Variants in ALK observed in about 807,000 individuals in gnomAD.
ALK encodes ALK tyrosine kinase receptor.
Under a neutral mutation model 163.1 loss-of-function variants are expected in ALK, and 74 were observed. The observed-to-expected ratio is 0.45, with a 90% CI of 0.38 to 0.55. ALK has a LOEUF of 0.55. Among genes scored for constraint, ALK ranks in the 20% least tolerant of loss-of-function variants. The pLI is 0.00. For missense variants in ALK, 2,063 were observed against 2,105.3 expected, an observed-to-expected ratio of 0.98 and a Z score of 0.39; for synonymous variants, 960 against 843.2, an observed-to-expected ratio of 1.14 and a Z score of -2.40.
chr2:29,646,086 C>T (rs1676865208), intron 3 of ALK, among the ~76,000 whole-genome samples: 1 of 151,920 alleles, frequency 6.6e-6, no homozygotes, highest in Non-Finnish European at 1.5e-5. Context: ...CTTAAGATCT[C>T]CACTTGGCCA....
At chr2:29,590,727 C>G (rs1675025062) in intron 3 of ALK, among the ~76,000 whole-genome samples, 1 of 152,096 alleles carries the variant, frequency 6.6e-6, no homozygotes, top group Non-Finnish European at 1.5e-5. Flanking sequence ...GTATTCCCAC[C>G]TGCTCATGCT....
intron 5 of ALK, among the ~76,000 whole-genome samples, chr2:29,369,310 G>T (rs1257727457): frequency 7.1e-6 from 1 of 141,690 alleles, no homozygotes; most frequent in African/African-American, 2.8e-5. Context: ...GTGCATATTT[G>T]TGTGTGTGTG....
At chr2:29,507,764 C>A (rs10203891) in intron 4 of ALK, among the ~76,000 whole-genome samples, 9,831 of 152,028 alleles carry the variant, frequency 0.065, 989 homozygotes, top group African/African-American at 0.22. Flanking sequence ...GCAGGAAAGG[C>A]AGGACAAGCT....
At chr2:29,585,625 C>A (rs147924232) in intron 3 of ALK, among the ~76,000 whole-genome samples, 414 of 152,150 alleles carry the variant, frequency 2.7e-3, no homozygotes, top group African/African-American at 9.5e-3. Context: ...ACTGTGCCCA[C>A]CCTGTCAATT....
At chr2:29,873,265 G>A (rs1051718806) in intron 1 of ALK, among the ~76,000 whole-genome samples, 1 of 152,192 alleles carries the variant, frequency 6.6e-6, no homozygotes, top group Non-Finnish European at 1.5e-5. Context: ...GATTTCAGAT[G>A]CCTCTTCTCC....
In ALK at chr2:29,763,244, T is replaced by A. The variant is rs546279083; in HGVS notation, c.668-45547A>T. ...ACAATGAGAATAATAGTATCTATCA[T>A]GTAGGGTTGCTTTGAGGAGTACATG... is the stretch of plus-strand genomic sequence containing the variant. On this transcript the variant is annotated intron_variant, in intron 1 of 28. Coordinates refer to ENST00000389048, the MANE Select transcript of ALK (RefSeq NM_004304.5). 3.7e-4 allele frequency among the ~76,000 whole-genome samples: 57 copies of A among 152,242 alleles called. 1 individual carries two copies. The South Asian group carries it at 0.012, about 32-fold the overall frequency.
At chr2:29,478,471 G>A (rs1205354858) in intron 4 of ALK, among the ~76,000 whole-genome samples, 2 of 152,234 alleles carry the variant, frequency 1.3e-5, no homozygotes, top group Admixed American at 1.3e-4. Flanking sequence ...TGGACAGGCG[G>A]AGGACTTGCC....
intron 15 of ALK, 110 bp downstream of exon 15, chr2:29,232,194 T>G (rs889403916): frequency 6.8e-7 from 1 of 1,460,480 alleles, no homozygotes; most frequent in Admixed American, 1.7e-5. Flanking sequence ...TCAGAGCTCC[T>G]AGCATCCCAG....
intron 1 of ALK, among the ~76,000 whole-genome samples, chr2:29,900,829 T>C (rs1329906926): frequency 1.3e-5 from 2 of 151,582 alleles, no homozygotes; most frequent in Admixed American, 6.6e-5. Context: ...CTATGAGAGG[T>C]AGAGAACAAG....
Position 29,275,587 on chromosome 2 carries a change from G to C in ALK, c.1818-91C>G. ...CCAGCAGGTGTGTGCTGATCACCTGGCTCAGAATGTGAGTTTGAAAAAGGC... is the reference window on the plus strand; with the variant it reads ...CCAGCAGGTGTGTGCTGATCACCTGCCTCAGAATGTGAGTTTGAAAAAGGC... On this transcript the variant is annotated intron_variant, in intron 9 of 28. Transcript: ENST00000389048. The C allele has an allele frequency of 1.0e-5, 14 of 1,339,292 alleles. No homozygotes were observed. In the South Asian group the frequency reaches 1.6e-4, roughly 16 times the overall value. 83.0% of individuals were successfully genotyped at this position (1,339,292 alleles called of 1,614,324 possible).
At chr2:29,696,469 C>T (rs188713780) in intron 2 of ALK, among the ~76,000 whole-genome samples, 1 of 146,586 alleles carries the variant, frequency 6.8e-6, no homozygotes, top group Non-Finnish European at 1.5e-5. Flanking sequence ...ACCACCATGG[C>T]ACGTGTATAC....
intron 3 of ALK, among the ~76,000 whole-genome samples, chr2:29,669,522 T>A (rs956634048): frequency 3.9e-5 from 6 of 152,062 alleles, no homozygotes; most frequent in African/African-American, 1.4e-4. Flanking sequence ...GAAGGCAGCA[T>A]ATAGCTGAAT....
In ALK at chr2:29,603,943, C is replaced by CT. The variant is rs896514922; in HGVS notation, c.953-71828dup. On this transcript the variant is annotated intron_variant, in intron 3 of 28. Coordinates refer to ENST00000389048, the MANE Select transcript of ALK (RefSeq NM_004304.5). Reference sequence around the variant, plus strand: ...TCCTGTAATGATTCCTAATGAGACCCTTTTTTTTCCTTCCTATGCAATTGG... The same window carrying CT: ...TCCTGTAATGATTCCTAATGAGACCCTTTTTTTTTCCTTCCTATGCAATTGG... Among the ~76,000 whole-genome samples the CT allele has an allele frequency of 9.1e-4, 138 of 152,060 alleles. 1 individual carries two copies. Among genetic ancestry groups the CT allele is most frequent in the Admixed American group, 6.5e-3 (99 of 15,266 alleles).
At chr2:29,683,826 T>A (rs1224669754) in intron 3 of ALK, among the ~76,000 whole-genome samples, 1 of 152,190 alleles carries the variant, frequency 6.6e-6, no homozygotes, top group East Asian at 1.9e-4. Context: ...CTGTGGCTGG[T>A]TGACTGCTGT....
intron 4 of ALK, among the ~76,000 whole-genome samples, chr2:29,436,718 C>T (rs544942518): frequency 1.3e-5 from 2 of 152,192 alleles, no homozygotes; most frequent in Non-Finnish European, 2.9e-5. Flanking sequence ...TCTGTGACCA[C>T]AATTCAATTT....
chr2:29,256,255 AG>A (rs1329424863), intron 11 of ALK, among the ~76,000 whole-genome samples: 2 of 152,132 alleles, frequency 1.3e-5, no homozygotes, highest in Non-Finnish European at 2.9e-5. Flanking sequence ...TTCCTGGGTA[AG>A]GAGTTGGGGT....
intron 5 of ALK, among the ~76,000 whole-genome samples, chr2:29,367,868 T>C (rs1474910526): frequency 6.6e-6 from 1 of 152,256 alleles, no homozygotes; most frequent in African/African-American, 2.4e-5. Flanking sequence ...AGTGATTAAA[T>C]GAATCTCTGA....
intron 1 of ALK, among the ~76,000 whole-genome samples, chr2:29,829,321 AAAAG>A (rs891042704): frequency 1.3e-5 from 2 of 151,610 alleles, no homozygotes; most frequent in Admixed American, 6.6e-5. Flanking sequence ...ATAAAAAAAA[AAAAG>A]AAAGAAAGAT....
chr2:29,589,524 C>T (rs914207051), intron 3 of ALK, among the ~76,000 whole-genome samples: 1 of 152,210 alleles, frequency 6.6e-6, no homozygotes, highest in Admixed American at 6.5e-5. Flanking sequence ...AGCTTATGAA[C>T]AGCAGAGCTA....
Sources: gnomAD v4.1 joint callset for allele counts (sites outside exome capture counted in the v4.1 genomes callset) on GRCh38, gnomAD v4.1.1 for gene constraint, MANE v1.5 for transcripts, NCBI Gene and HGNC (gene_info 2026-07-23, HGNC 2026-07-21) for gene names.